The following SEZ6L variants were observed in gnomAD, a reference collection of about 807,000 sequenced individuals.
SEZ6L encodes the protein seizure related 6 homolog like, also known as seizure 6-like protein.
SEZ6L carries 37 observed loss-of-function variants against 106.2 expected under a neutral mutation model. That is an observed-to-expected ratio of 0.35 (90% CI 0.27 to 0.46). The LOEUF (loss-of-function observed/expected upper bound fraction) is 0.46. Among genes scored for constraint, SEZ6L ranks in the 20% least tolerant of loss-of-function variants. The pLI, the probability that SEZ6L is intolerant of heterozygous loss-of-function variation, is 1.00. For missense variants in SEZ6L, 1,172 were observed against 1,332.8 expected, an observed-to-expected ratio of 0.88 and a Z score of 1.88; for synonymous variants, 541 against 570.4, an observed-to-expected ratio of 0.95 and a Z score of 0.73.
At chr22:26,298,886 C>A in intron 4 of SEZ6L, 98 bp from the exon 5 acceptor site, 1 of 1,215,046 alleles carries the variant, frequency 8.2e-7, no homozygotes. Flanking sequence ...GGGGCCTCAT[C>A]TTCTCTCCCC....
chr22:26,309,714 G>A (rs2081753378), intron 6 of SEZ6L, among the ~76,000 whole-genome samples: 2 of 152,118 alleles, frequency 1.3e-5, no homozygotes, highest in Non-Finnish European at 1.5e-5. Context: ...GAGTAGCAGG[G>A]ACTATAGGCA....
chr22:26,284,619 A>C (rs984675218), intron 1 of SEZ6L, among the ~76,000 whole-genome samples: 3 of 151,256 alleles, frequency 2.0e-5, no homozygotes, highest in Admixed American at 6.6e-5. Context: ...AAAAAAAAAA[A>C]AAAAAAAAAA....
intron 6 of SEZ6L, 110 bp from the exon 7 acceptor site, chr22:26,310,560 T>C (rs2081789495): frequency 8.3e-7 from 1 of 1,203,188 alleles, no homozygotes; most frequent in South Asian, 1.5e-5. Context: ...GAGTTAGGTT[T>C]GGGATCCGGT....
chr22:26,202,975 CTTTTA>C (rs1941066483), intron 1 of SEZ6L, among the ~76,000 whole-genome samples: 1 of 152,226 alleles, frequency 6.6e-6, no homozygotes, highest in African/African-American at 2.4e-5. Context: ...TTGCAGACCA[CTTTTA>C]TTTTTCTGCT....
chr22:26,371,986 TG>T (rs1445273881), intron 13 of SEZ6L, among the ~76,000 whole-genome samples: 1 of 152,236 alleles, frequency 6.6e-6, no homozygotes, highest in Non-Finnish European at 1.5e-5. Flanking sequence ...AGTGCCAATG[TG>T]AGGCCACCTG....
At chr22:26,227,473 T>C (rs1284446411) in intron 1 of SEZ6L, among the ~76,000 whole-genome samples, 1 of 152,206 alleles carries the variant, frequency 6.6e-6, no homozygotes, top group Non-Finnish European at 1.5e-5. Flanking sequence ...AGTGGTGTGA[T>C]CATAGCTCAC....
chr22:26,353,803 T>G (rs2083352354), intron 12 of SEZ6L, among the ~76,000 whole-genome samples: 1 of 152,004 alleles, frequency 6.6e-6, no homozygotes, highest in African/African-American at 2.4e-5. Flanking sequence ...ACCCATGGTA[T>G]CTGTAATTGT....
chr22:26,273,131 T>C (rs764035982), intron 1 of SEZ6L, among the ~76,000 whole-genome samples: 12 of 152,250 alleles, frequency 7.9e-5, no homozygotes, highest in Non-Finnish European at 1.6e-4. Context: ...TCCTTCTCCA[T>C]CTCTCTGCCT....
chr22:26,351,050 A>G lies in SEZ6L; in HGVS notation c.2408-2A>G. 2 of 1,611,968 alleles carry G rather than the reference A, an allele frequency of 1.2e-6. No individual in the cohort carries two copies. Among genetic ancestry groups the G allele is most frequent in the Non-Finnish European group, 1.7e-6 (2 of 1,179,072 alleles). On this transcript the variant is annotated splice_acceptor_variant, in intron 11 of 16. Transcript: ENST00000248933. LOFTEE classifies it high-confidence loss of function. The stretch of plus-strand genomic sequence containing the variant: ...CTCTTGGTCTGGTTTCATCCCGTGT[A>G]GTTATGTACTGCACCGACCCCGGAG...
At chr22:26,300,382 C>T (rs1358389824) in intron 5 of SEZ6L, among the ~76,000 whole-genome samples, 1 of 152,080 alleles carries the variant, frequency 6.6e-6, no homozygotes, top group Non-Finnish European at 1.5e-5. Context: ...TCAATTCCCA[C>T]CTATGAGTGA....
At chr22:26,266,961 A>G (rs1210942426) in intron 1 of SEZ6L, among the ~76,000 whole-genome samples, 1 of 152,234 alleles carries the variant, frequency 6.6e-6, no homozygotes, top group Non-Finnish European at 1.5e-5. Flanking sequence ...TTGCAAAGAA[A>G]TGATGTTAGA....
intron 9 of SEZ6L, among the ~76,000 whole-genome samples, chr22:26,315,172 T>C (rs1229617662): frequency 6.6e-6 from 1 of 152,186 alleles, no homozygotes; most frequent in Non-Finnish European, 1.5e-5. Flanking sequence ...TTTGAGGCTG[T>C]TCCTTAGACA....
chr22:26,194,260 C>T (rs1046870294), intron 1 of SEZ6L, among the ~76,000 whole-genome samples: 3 of 152,160 alleles, frequency 2.0e-5, no homozygotes, highest in Non-Finnish European at 4.4e-5. Context: ...GCCCTTGGTG[C>T]CATTACACAA....
At chr22:26,252,423 T>C (rs1195918080) in intron 1 of SEZ6L, among the ~76,000 whole-genome samples, 2 of 152,256 alleles carry the variant, frequency 1.3e-5, no homozygotes, top group African/African-American at 2.4e-5. Flanking sequence ...TATAGATATT[T>C]CAACTTTTAT....
chr22:26,234,613 C>CATAG (rs1178455673), intron 1 of SEZ6L, among the ~76,000 whole-genome samples: 1 of 152,238 alleles, frequency 6.6e-6, no homozygotes, highest in African/African-American at 2.4e-5. Context: ...GGGGGCTCAT[C>CATAG]TCTATGCCTG....
intron 1 of SEZ6L, among the ~76,000 whole-genome samples, chr22:26,222,823 T>C (rs1274933544): frequency 6.6e-6 from 1 of 152,170 alleles, no homozygotes; most frequent in Non-Finnish European, 1.5e-5. Flanking sequence ...ATTTTATCCA[T>C]CACAGTGGTT....
At chr22:26,257,761 G>T (rs2079871680) in intron 1 of SEZ6L, among the ~76,000 whole-genome samples, 1 of 152,110 alleles carries the variant, frequency 6.6e-6, no homozygotes, top group African/African-American at 2.4e-5. Context: ...CTGCAGCCAG[G>T]TGTCTGCCGC....
intron 1 of SEZ6L, among the ~76,000 whole-genome samples, chr22:26,287,323 G>T (rs961818424): frequency 6.6e-6 from 1 of 152,082 alleles, no homozygotes; most frequent in Non-Finnish European, 1.5e-5. Flanking sequence ...CTCCTTGAGG[G>T]CAGGGGCCAA....
At chr22:26,251,955 A>T (rs971757667) in intron 1 of SEZ6L, among the ~76,000 whole-genome samples, 1 of 151,544 alleles carries the variant, frequency 6.6e-6, no homozygotes, top group Non-Finnish European at 1.5e-5. Flanking sequence ...GATCACCCCC[A>T]CCCCACCCCT....
Sources: allele counts gnomAD v4.1 joint callset (sites outside exome capture counted in the v4.1 genomes callset), GRCh38; gene constraint gnomAD v4.1.1; transcripts MANE v1.5; gene names NCBI Gene and HGNC (gene_info 2026-07-23, HGNC 2026-07-21).